NXPE2: variants seen among roughly 807,000 people sequenced by gnomAD.
The protein encoded by NXPE2 is neurexophilin and PC-esterase domain family member 2, also known as NXPE family member 2.
In NXPE2, 34 loss-of-function variants were observed where a neutral mutation model predicts 34.4. The observed-to-expected ratio is 0.99, with a 90% CI of 0.75 to 1.31. The LOEUF is 1.31. Among genes scored for constraint, NXPE2 ranks in the 40% most tolerant of loss-of-function variants. NXPE2 has a pLI of 0.00. For synonymous variants in NXPE2, 235 were observed against 231.3 expected (o/e 1.02, Z -0.15); for missense variants, 649 against 672.5 (o/e 0.97, Z 0.39).
chr11:114,535,657 A>T, the NXPE2 span, among the ~76,000 whole-genome samples: 1 of 152,212 alleles, frequency 6.6e-6, no homozygotes, highest in African/African-American at 2.4e-5. Flanking sequence ...AACAGACTTA[A>T]ACCAACAAAG....
At chr11:114,476,405 T>C in the NXPE2 span, among the ~76,000 whole-genome samples, 1 of 152,206 alleles carries the variant, frequency 6.6e-6, no homozygotes, top group East Asian at 1.9e-4. Flanking sequence ...AAATATATCC[T>C]CTTCTTCCAG....
chr11:114,745,136 T>A, the NXPE2 span, among the ~76,000 whole-genome samples: 5 of 152,106 alleles, frequency 3.3e-5, no homozygotes, highest in Admixed American at 2.0e-4. Context: ...TTAGAGAAAA[T>A]AAGCTTTAAG....
chr11:114,806,273 T>C, the NXPE2 span, among the ~76,000 whole-genome samples: 1 of 152,082 alleles, frequency 6.6e-6, no homozygotes, highest in Non-Finnish European at 1.5e-5. Flanking sequence ...CTGGAAACTC[T>C]AAAAATCAGA....
At chr11:114,551,498 T>C in the NXPE2 span, 1 of 822,510 alleles carries the variant, frequency 1.2e-6, no homozygotes, top group Non-Finnish European at 1.5e-6. Flanking sequence ...TGTATTTTCT[T>C]AGTTACAAGA....
chr11:114,489,507 C>A, the NXPE2 span, among the ~76,000 whole-genome samples: 1 of 152,198 alleles, frequency 6.6e-6, no homozygotes, highest in Admixed American at 6.5e-5. Flanking sequence ...AGCTTATCCA[C>A]CATGATCAAG....
intron 2 of NXPE2, among the ~76,000 whole-genome samples, chr11:114,694,846 A>ATT (rs34425998): frequency 4.6e-5 from 7 of 151,418 alleles, no homozygotes; most frequent in Non-Finnish European, 8.8e-5. Context: ...CTTGTTTTGT[A>ATT]TTTTTTTTAT....
the NXPE2 span, among the ~76,000 whole-genome samples, chr11:114,793,276 A>G: frequency 6.6e-6 from 1 of 152,152 alleles, no homozygotes; most frequent in Non-Finnish European, 1.5e-5. Context: ...GGCCCCAATC[A>G]TTGTATTGTA....
chr11:114,762,171 G>T, the NXPE2 span, among the ~76,000 whole-genome samples: 1 of 152,182 alleles, frequency 6.6e-6, no homozygotes, highest in Non-Finnish European at 1.5e-5. Context: ...AGATGAGCAG[G>T]TGCTTTCCAG....
the NXPE2 span, among the ~76,000 whole-genome samples, chr11:114,784,925 G>A: frequency 6.6e-6 from 1 of 152,108 alleles, no homozygotes; most frequent in African/African-American, 2.4e-5. Flanking sequence ...AACCTGCAGT[G>A]AAAGTAAATG....
chr11:114,469,109 CTTTT>C, the NXPE2 span, among the ~76,000 whole-genome samples: 1 of 88,860 alleles, frequency 1.1e-5, no homozygotes, highest in African/African-American at 5.1e-5. Context: ...ACAGTGCTAG[CTTTT>C]TTTTTTTTTT....
the NXPE2 span, among the ~76,000 whole-genome samples, chr11:114,763,270 C>T: frequency 6.6e-6 from 1 of 152,176 alleles, no homozygotes; most frequent in African/African-American, 2.4e-5. Flanking sequence ...TTCTAACAAA[C>T]TCACTGATTA....
the NXPE2 span, among the ~76,000 whole-genome samples, chr11:114,812,676 C>T: frequency 6.6e-6 from 1 of 152,110 alleles, no homozygotes; most frequent in Non-Finnish European, 1.5e-5. Flanking sequence ...TTTTCCAGGG[C>T]TTAATAGAGA....
At chr11:114,753,256 G>A in the NXPE2 span, among the ~76,000 whole-genome samples, 4 of 152,066 alleles carry the variant, frequency 2.6e-5, no homozygotes, top group Non-Finnish European at 5.9e-5. Context: ...AGCTGGGTGT[G>A]CTGGCATGCA....
At chr11:114,511,387 G>A in the NXPE2 span, among the ~76,000 whole-genome samples, 1 of 152,120 alleles carries the variant, frequency 6.6e-6, no homozygotes. Context: ...TTGAGACTCC[G>A]AGGCCATAAG....
At chr11:114,675,038 T>A (rs549110028), upstream of NXPE2, among the ~76,000 whole-genome samples, 1 of 151,668 alleles carries the variant, frequency 6.6e-6, no homozygotes, top group Non-Finnish European at 1.5e-5. Flanking sequence ...ATTAACAGAA[T>A]GCAGGATAAA....
At chr11:114,551,452 A>G in the NXPE2 span, 8 of 1,233,454 alleles carry the variant, frequency 6.5e-6, no homozygotes, top group African/African-American at 6.1e-5. Context: ...CTGAAATGGA[A>G]GTCAAAGTCA....
the NXPE2 span, among the ~76,000 whole-genome samples, chr11:114,659,098 T>C: frequency 2.6e-5 from 4 of 152,328 alleles, no homozygotes; most frequent in East Asian, 7.7e-4. Flanking sequence ...CTGGACTGAC[T>C]AGATTGAGTC....
the NXPE2 span, among the ~76,000 whole-genome samples, chr11:114,519,221 T>C: frequency 7.3e-6 from 1 of 137,700 alleles, no homozygotes; most frequent in African/African-American, 3.3e-5. Context: ...GAAAATGCTT[T>C]CCCCCCGTTT....
At chr11:114,560,204 A>G in the NXPE2 span, among the ~76,000 whole-genome samples, 2 of 152,186 alleles carry the variant, frequency 1.3e-5, no homozygotes, top group African/African-American at 4.8e-5. Flanking sequence ...GACAACTCCA[A>G]ACAAGAGAAC....
Sources: gnomAD v4.1 joint callset for allele counts (sites outside exome capture counted in the v4.1 genomes callset) on GRCh38, gnomAD v4.1.1 for gene constraint, MANE v1.5 for transcripts, NCBI Gene and HGNC (gene_info 2026-07-23, HGNC 2026-07-21) for gene names.